QRICH1: variants seen among roughly 807,000 people sequenced by gnomAD.
The protein encoded by QRICH1 is transcriptional regulator QRICH1.
Under a neutral mutation model 87.1 loss-of-function variants are expected in QRICH1, and 16 were observed. That is an observed-to-expected ratio of 0.18 (90% CI 0.12 to 0.28). QRICH1 has a LOEUF of 0.28. Ranked by LOEUF, QRICH1 falls within the 10% of genes least tolerant of loss-of-function variation. QRICH1 has a pLI of 1.00. For synonymous variants in QRICH1, 367 were observed against 368.4 expected (o/e 1.00, Z 0.05); for missense variants, 647 against 951.7 (o/e 0.68, Z 4.21).
At chr3:49,042,596 C>T (rs1317131013) in intron 6 of QRICH1, among the ~76,000 whole-genome samples, 6 of 150,588 alleles carry the variant, frequency 4.0e-5, no homozygotes, top group East Asian at 1.9e-4. Context: ...TTTTTTGAGA[C>T]GGAGTCGCGC....
intron 2 of QRICH1, among the ~76,000 whole-genome samples, chr3:49,065,656 G>A (rs1195402876): frequency 6.6e-6 from 1 of 152,008 alleles, no homozygotes; most frequent in African/African-American, 2.4e-5. Flanking sequence ...ACCCTAAAAG[G>A]TGCTTGGAGG....
chr3:49,032,153 C>G (rs751608217), intron 9 of QRICH1, 30 bp downstream of exon 9: 5 of 1,540,300 alleles, frequency 3.2e-6, no homozygotes, highest in Non-Finnish European at 3.6e-6. Flanking sequence ...CATGCGCACA[C>G]ATGGACAGCA....
At chr3:49,052,756 G>A (rs1034272406) in intron 3 of QRICH1, among the ~76,000 whole-genome samples, 1 of 152,072 alleles carries the variant, frequency 6.6e-6, no homozygotes, top group African/African-American at 2.4e-5. Flanking sequence ...ACCCACCTCG[G>A]CCTCCAAAAG....
chr3:49,066,583 G>A (rs1378268855), intron 2 of QRICH1, among the ~76,000 whole-genome samples: 1 of 151,606 alleles, frequency 6.6e-6, no homozygotes, highest in Non-Finnish European at 1.5e-5. Context: ...TCCTGCCTCA[G>A]CCTCCTGAGT....
At chr3:49,033,052 G>T in intron 7 of QRICH1, 68 bp downstream of exon 7, 1 of 1,205,708 alleles carries the variant, frequency 8.3e-7, no homozygotes, top group Non-Finnish European at 1.1e-6. Flanking sequence ...GAATTCAGAA[G>T]GCCTCTTGGA....
intron 7 of QRICH1, 39 bp downstream of exon 7, chr3:49,033,081 C>T (rs751534490): frequency 2.2e-6 from 3 of 1,389,006 alleles, no homozygotes; most frequent in African/African-American, 3.0e-5. Flanking sequence ...ACACTCTTCA[C>T]TGGACAGATG....
chr3:49,033,513 C>A, intron 6 of QRICH1: 1 of 274,008 alleles, frequency 3.6e-6, no homozygotes, highest in Non-Finnish European at 6.8e-6. Context: ...TAACACAGGG[C>A]AAAAAGACTG....
At chr3:49,072,647 T>G (rs1476376957) in intron 2 of QRICH1, among the ~76,000 whole-genome samples, 1 of 152,212 alleles carries the variant, frequency 6.6e-6, no homozygotes, top group African/African-American at 2.4e-5. Context: ...AATAAGCTCA[T>G]GCCAACAATT....
intron 2 of QRICH1, among the ~76,000 whole-genome samples, chr3:49,065,038 G>A (rs2093459202): frequency 6.6e-6 from 1 of 151,678 alleles, no homozygotes; most frequent in South Asian, 2.1e-4. Context: ...CAAAAATAAA[G>A]CCATTATATG....
chr3:49,078,481 A>G (rs1575375535), intron 1 of QRICH1, among the ~76,000 whole-genome samples: 1 of 112,602 alleles, frequency 8.9e-6, no homozygotes, highest in Admixed American at 1.4e-4. Flanking sequence ...TGCAAGCTCC[A>G]CCTCCTGGGT....
chr3:49,046,951 C>T, intron 4 of QRICH1, 118 bp downstream of exon 4: 3 of 1,157,146 alleles, frequency 2.6e-6, no homozygotes, highest in Non-Finnish European at 3.7e-6. Flanking sequence ...CATACTATTA[C>T]AGATGTTGCT....
intron 1 of QRICH1, among the ~76,000 whole-genome samples, chr3:49,082,824 G>A (rs1473805948): frequency 6.6e-6 from 1 of 151,314 alleles, no homozygotes; most frequent in East Asian, 1.9e-4. Flanking sequence ...AAACCTGGGA[G>A]GCAGAGCTTG....
chr3:49,069,089 ATT>A (rs2093484895), intron 2 of QRICH1, among the ~76,000 whole-genome samples: 1 of 91,438 alleles, frequency 1.1e-5, no homozygotes, highest in Middle Eastern at 5.2e-3. Flanking sequence ...AAAATTTATT[ATT>A]ATTATTATTA....
intron 2 of QRICH1, among the ~76,000 whole-genome samples, chr3:49,065,567 C>T (rs1477833080): frequency 6.6e-6 from 1 of 152,162 alleles, no homozygotes; most frequent in Non-Finnish European, 1.5e-5. Flanking sequence ...AACTCCAGTA[C>T]ATGGTCAGGA....
At chr3:49,035,942 G>C (rs566143757) in intron 6 of QRICH1, among the ~76,000 whole-genome samples, 246 of 151,324 alleles carry the variant, frequency 1.6e-3, no homozygotes, top group Non-Finnish European at 2.8e-3. Context: ...AAACTAGCCA[G>C]GTGTGGTGGT....
intron 6 of QRICH1, among the ~76,000 whole-genome samples, chr3:49,034,213 T>C (rs986780480): frequency 1.3e-5 from 2 of 150,048 alleles, no homozygotes; most frequent in African/African-American, 4.9e-5. Flanking sequence ...GAGGCGGAGG[T>C]GGGAGAATTG....
chr3:49,040,046 G>A (rs1257100305), intron 6 of QRICH1, among the ~76,000 whole-genome samples: 1 of 152,236 alleles, frequency 6.6e-6, no homozygotes, highest in Non-Finnish European at 1.5e-5. Flanking sequence ...GGGCGATAGA[G>A]TGAGACTCCG....
chr3:49,079,321 C>T (rs1376190585), intron 1 of QRICH1, among the ~76,000 whole-genome samples: 2 of 151,720 alleles, frequency 1.3e-5, no homozygotes, highest in South Asian at 2.1e-4. Context: ...ACTCAGGAGG[C>T]TGAGGTGGAG....
intron 9 of QRICH1, among the ~76,000 whole-genome samples, chr3:49,031,042 A>T (rs1022198848): frequency 2.1e-5 from 3 of 142,500 alleles, no homozygotes; most frequent in African/African-American, 7.9e-5. Flanking sequence ...GCTGGAGTGC[A>T]GTGAGGTGAT....
Sources: gnomAD v4.1 joint callset for allele counts (sites outside exome capture counted in the v4.1 genomes callset) on GRCh38, gnomAD v4.1.1 for gene constraint, MANE v1.5 for transcripts, NCBI Gene and HGNC (gene_info 2026-07-23, HGNC 2026-07-21) for gene names.